SPATA13: variants seen among roughly 807,000 people sequenced by gnomAD.
SPATA13 encodes the protein spermatogenesis-associated protein 13.
A neutral mutation model predicts 104.0 loss-of-function variants in SPATA13; 50 were observed. That is an observed-to-expected ratio of 0.48 (90% CI 0.38 to 0.61). The LOEUF is 0.61. Among genes scored for constraint, SPATA13 ranks in the 20% least tolerant of loss-of-function variants. SPATA13 has a pLI of 0.00. For missense variants in SPATA13, 1,524 were observed against 1,690.6 expected, an observed-to-expected ratio of 0.90 and a Z score of 1.73; for synonymous variants, 606 against 667.5, an observed-to-expected ratio of 0.91 and a Z score of 1.42.
Position 24,249,640 on chromosome 13 carries a change from A to G in SPATA13, c.1817A>G (p.Asp606Gly). The stretch of plus-strand genomic sequence containing the variant: ...AGCCGCAGTTTGTCTATTCCTGAAG[A>G]CTCGGTTGCTGCAGACCCCCAGAAG... ...LASRSLSIPE[D>G]SVAADPQKED... is the part of the protein sequence containing the mutation. Residue 606 changes from aspartate (D) to glycine (G), a missense_variant, in exon 3 of 13, where the codon GAC becomes GGC. Asp to Gly is a moderately conservative substitution (Grantham distance 94, BLOSUM62 -1). Transcript: ENST00000382108. 1.2e-6 allele frequency: 2 copies of G among 1,613,996 alleles called. No individual in the cohort carries two copies.
At chr13:24,260,846 C>G (rs192756829) in intron 4 of SPATA13, among the ~76,000 whole-genome samples, 2 of 152,190 alleles carry the variant, frequency 1.3e-5, no homozygotes, top group East Asian at 1.9e-4. Context: ...GTCAGTTGAT[C>G]GTACACAGGG....
chr13:23,984,595 G>GTGA (rs1429986243), intron 2 of SPATA13, among the ~76,000 whole-genome samples: 1 of 152,168 alleles, frequency 6.6e-6, no homozygotes, highest in Non-Finnish European at 1.5e-5. Flanking sequence ...ACTTTTAAGT[G>GTGA]TGAGGCCCCG....
chr13:23,996,153 T>G (rs1444223202), intron 2 of SPATA13, among the ~76,000 whole-genome samples: 3 of 152,164 alleles, frequency 2.0e-5, no homozygotes, highest in Non-Finnish European at 4.4e-5. Context: ...GGGATTATTA[T>G]CTCATATTTC....
At chr13:23,989,302 G>T (rs1875295648) in intron 2 of SPATA13, among the ~76,000 whole-genome samples, 1 of 151,862 alleles carries the variant, frequency 6.6e-6, no homozygotes, top group Admixed American at 6.6e-5. Flanking sequence ...TGCGCCTGTA[G>T]TCCCAGCTAC....
At chr13:24,279,232 T>C (rs1875299106) in intron 4 of SPATA13, among the ~76,000 whole-genome samples, 1 of 152,048 alleles carries the variant, frequency 6.6e-6, no homozygotes, top group South Asian at 2.1e-4. Context: ...TGTGTGTACC[T>C]GGGGAGGGCT....
rs972030539 is a variant in SPATA13, at chr13:24,160,791, G to T, written c.-253G>T. On this transcript the variant is annotated 5_prime_UTR_variant, in exon 1 of 13. Coordinates refer to ENST00000382108, the MANE Select transcript of SPATA13 (RefSeq NM_001166271.3). The stretch of plus-strand genomic sequence containing the variant: ...CCCGCGATCGCCCTGCCGGTCGCTA[G>T]CTCCGAGGGCGCGCACTGGATCCCA... The T allele has an allele frequency of 1.0e-6, 1 of 985,384 alleles. No individual in the cohort carries two copies. The highest frequency in any genetic ancestry group is 6.1e-5 in the Admixed American group (1 of 16,270). The allele number at this position is 985,384 out of a possible 1,614,324, so 61.0% of individuals were successfully genotyped here. A position where few individuals can be genotyped will look rare whatever the true frequency, so the allele number is the denominator to read the frequency against.
intron 1 of SPATA13, among the ~76,000 whole-genome samples, chr13:24,179,656 C>T (rs966760692): frequency 1.1e-4 from 16 of 152,150 alleles, no homozygotes; most frequent in African/African-American, 3.6e-4. Context: ...TTTCTGTTTC[C>T]GTGTCACCAA....
At position 24,286,791 on chromosome 13, in the gene SPATA13, G is replaced by A. The variant is rs1246770449; in HGVS notation, c.2508G>A (p.Ser836=). The A allele has an allele frequency of 1.1e-5, 17 of 1,613,474 alleles. No homozygotes were observed. The highest frequency in any genetic ancestry group is 6.6e-5 in the South Asian group (6 of 91,070). The change falls in exon 7 of 13, where the codon TCG becomes TCA. Residue 836 remains serine, a synonymous_variant. Coordinates refer to ENST00000382108, the MANE Select transcript of SPATA13 (RefSeq NM_001166271.3). This position sits in a 1 kb window ranked among gnomAD's most constrained non-coding sequence, Gnocchi z 4.9. ...VRLRVNQEEL[S]ENSSSTPSEE... ...TGCGAGTGAATCAGGAAGAGCTGTC[G>A]GAAAACTCCAGCAGCACCCCCAGTG...
At chr13:24,258,235 CAA>C (rs58659073) in intron 4 of SPATA13, among the ~76,000 whole-genome samples, 76 of 139,426 alleles carry the variant, frequency 5.5e-4, no homozygotes, top group African/African-American at 1.5e-3. Flanking sequence ...AACTCTATCT[CAA>C]AAAAAAAAAA....
intron 1 of SPATA13, among the ~76,000 whole-genome samples, chr13:24,192,994 C>G (rs994045692): frequency 2.0e-5 from 3 of 152,152 alleles, no homozygotes; most frequent in African/African-American, 4.8e-5. Flanking sequence ...TATAAGTGCT[C>G]TTTAAGGTTT....
intron 3 of SPATA13, among the ~76,000 whole-genome samples, chr13:24,128,301 A>G (rs141380641): frequency 6.6e-6 from 1 of 152,316 alleles, no homozygotes; most frequent in Non-Finnish European, 1.5e-5. Flanking sequence ...TTGTGGCTTC[A>G]TCACCAGAAA....
At chr13:24,207,405 G>C (rs186278567) in intron 1 of SPATA13, among the ~76,000 whole-genome samples, 39 of 152,222 alleles carry the variant, frequency 2.6e-4, no homozygotes, top group Admixed American at 5.9e-4. Context: ...AATAAAATCT[G>C]TTCCAGTCCC....
intron 1 of SPATA13, among the ~76,000 whole-genome samples, chr13:24,214,079 A>C (rs1468567791): frequency 2.0e-5 from 3 of 152,240 alleles, no homozygotes; most frequent in African/African-American, 7.2e-5. Context: ...GATCTTTGCC[A>C]ATCTCTGACT....
chr13:24,126,193 G>T (rs554682457), intron 3 of SPATA13, among the ~76,000 whole-genome samples: 2 of 152,296 alleles, frequency 1.3e-5, no homozygotes, highest in South Asian at 4.1e-4. Context: ...TCCTCTCCAG[G>T]ATGAAGTCAT....
intron 1 of SPATA13, among the ~76,000 whole-genome samples, chr13:24,211,767 C>T (rs1000380917): frequency 4.6e-5 from 7 of 152,116 alleles, no homozygotes; most frequent in Admixed American, 1.3e-4. Context: ...CTTCTGCTGC[C>T]GGCTCCCATG....
intron 3 of SPATA13, among the ~76,000 whole-genome samples, chr13:24,044,257 G>C (rs867292130): frequency 7.8e-6 from 1 of 128,552 alleles, no homozygotes; most frequent in South Asian, 2.4e-4. Context: ...TTTTTGAGAC[G>C]TAGTCTTGCT....
Position 24,303,574 on chromosome 13 carries a change from C to T in SPATA13, c.*801C>T, listed in dbSNP as rs111803671. On this transcript the variant is annotated 3_prime_UTR_variant, in exon 13 of 13. Transcript: ENST00000382108. ...CCTGCACGCCTTCAGTAACTCCGAG[C>T]AGAAATCACATCTTGCCCACATGCT... 0.013 allele frequency: 1,972 copies of T among 155,282 alleles called. 44 individuals are homozygous for T. Among genetic ancestry groups the T allele is most frequent in the African/African-American group, 0.046 (1,899 of 41,604 alleles). 9.6% of individuals were successfully genotyped at this position (155,282 alleles called of 1,614,324 possible). A position where few individuals can be genotyped will look rare whatever the true frequency, so the allele number is the denominator to read the frequency against.
At chr13:24,074,531 A>G (rs572325283) in intron 3 of SPATA13, among the ~76,000 whole-genome samples, 3 of 152,260 alleles carry the variant, frequency 2.0e-5, no homozygotes, top group African/African-American at 7.2e-5. Flanking sequence ...AGCACTTACT[A>G]TGTATCAGGC....
chr13:24,183,042 A>T (rs980412114), intron 1 of SPATA13, among the ~76,000 whole-genome samples: 11 of 152,178 alleles, frequency 7.2e-5, no homozygotes, highest in African/African-American at 1.9e-4. Flanking sequence ...TTCCTCATTC[A>T]CATAACTTGC....
Sources: gnomAD v4.1 joint callset for allele counts (sites outside exome capture counted in the v4.1 genomes callset) on GRCh38, gnomAD v4.1.1 for gene constraint, Gnocchi (gnomAD v3.1) non-coding constraint, MANE v1.5 for transcripts, NCBI Gene and HGNC (gene_info 2026-07-23, HGNC 2026-07-21) for gene names.